EGFR: variants seen among roughly 807,000 people sequenced by gnomAD.
EGFR encodes the protein avian erythroblastic leukemia viral (v-erb-b) oncogene homolog.
Under a neutral mutation model 143.0 loss-of-function variants are expected in EGFR, and 58 were observed. The ratio of observed to expected loss-of-function variants is 0.41; its 90% CI spans 0.33 to 0.50. The LOEUF (loss-of-function observed/expected upper bound fraction) is 0.50. Ranked by LOEUF, EGFR falls within the 20% of genes least tolerant of loss-of-function variation. The pLI, the probability that EGFR is intolerant of heterozygous loss-of-function variation, is 0.39. For missense variants in EGFR, 1,307 were observed against 1,579.0 expected, an observed-to-expected ratio of 0.83 and a Z score of 2.92; for synonymous variants, 613 against 594.4, an observed-to-expected ratio of 1.03 and a Z score of -0.45.
At chr7:55,174,193 A>G (rs1786488248) in intron 18 of EGFR, 150 bp downstream of exon 18, 1 of 1,182,006 alleles carries the variant, frequency 8.5e-7, no homozygotes, top group South Asian at 1.5e-5. Flanking sequence ...GTTTTTCCCA[A>G]GTTATTGAGA....
intron 22 of EGFR, among the ~76,000 whole-genome samples, chr7:55,194,002 A>T (rs1301202050): frequency 6.6e-6 from 1 of 152,190 alleles, no homozygotes; most frequent in African/African-American, 2.4e-5. Flanking sequence ...AATGGAACAG[A>T]TAAGGAAATA....
At position 55,167,058 on chromosome 7, in the gene EGFR, CAAT is replaced by C. The variant is rs1407260224; in HGVS notation, c.1880+1622_1880+1624del. Among the ~76,000 whole-genome samples, 4 of 123,546 alleles carry C rather than the reference CAAT, an allele frequency of 3.2e-5. 1 individual carries two copies. Among genetic ancestry groups the C allele is most frequent in the African/African-American group, 1.3e-4 (4 of 29,876 alleles). 81.1% of individuals were successfully genotyped at this position (123,546 alleles called of 152,430 possible). ...GATGGTGATGAGGAGGTGGGAGTCA[CAAT>C]GTTGGTGGTGTTGATGGTGGTGATG... is the stretch of plus-strand genomic sequence containing the variant. On this transcript the variant is annotated intron_variant, in intron 15 of 27. Transcript: ENST00000275493.
At chr7:55,049,660 C>G (rs1788372070) in intron 1 of EGFR, among the ~76,000 whole-genome samples, 1 of 152,160 alleles carries the variant, frequency 6.6e-6, no homozygotes, top group Non-Finnish European at 1.5e-5. Flanking sequence ...GCTCCTTCCA[C>G]CTGAGGACTG....
intron 1 of EGFR, among the ~76,000 whole-genome samples, chr7:55,127,917 A>G (rs1379702930): frequency 6.6e-6 from 1 of 152,184 alleles, no homozygotes; most frequent in African/African-American, 2.4e-5. Flanking sequence ...ACCACCTCAC[A>G]TGGTAGGGCC....
chr7:55,053,477 TTC>T (rs1449499157), intron 1 of EGFR, among the ~76,000 whole-genome samples: 5 of 152,242 alleles, frequency 3.3e-5, no homozygotes, highest in African/African-American at 1.2e-4. Context: ...TCTCTGGGCC[TTC>T]TCTTAGATTT....
intron 1 of EGFR, among the ~76,000 whole-genome samples, chr7:55,044,842 C>G (rs1215341223): frequency 2.0e-5 from 3 of 152,234 alleles, no homozygotes; most frequent in Non-Finnish European, 4.4e-5. Flanking sequence ...TCTTTCAGAA[C>G]TAGATGGGAT....
intron 1 of EGFR, among the ~76,000 whole-genome samples, chr7:55,042,134 AT>A (rs1453239663): frequency 1.3e-5 from 2 of 152,246 alleles, no homozygotes; most frequent in Non-Finnish European, 2.9e-5. Context: ...TGATAAAGTG[AT>A]TTTAAGTGCC....
chr7:55,094,863 A>G (rs527239228), intron 1 of EGFR, among the ~76,000 whole-genome samples: 3 of 152,360 alleles, frequency 2.0e-5, no homozygotes, highest in African/African-American at 7.2e-5. Flanking sequence ...AAACCTAGAA[A>G]GACCCAAAAC....
chr7:55,168,466 G>T (rs1284528616), intron 15 of EGFR: 11 of 1,038,142 alleles, frequency 1.1e-5, no homozygotes, highest in Non-Finnish European at 1.7e-5. Flanking sequence ...ATTTAGTCAA[G>T]ATTTAAATTA....
intron 1 of EGFR, among the ~76,000 whole-genome samples, chr7:55,111,555 A>G (rs779402433): frequency 7.2e-5 from 11 of 152,218 alleles, no homozygotes; most frequent in Admixed American, 3.3e-4. Context: ...AAACACTAAA[A>G]ATCATGTTAC....
chr7:55,044,256 C>CAGCT, intron 1 of EGFR, among the ~76,000 whole-genome samples: 2 of 152,342 alleles, frequency 1.3e-5, no homozygotes, highest in South Asian at 4.1e-4. Flanking sequence ...GGAGAGAAGG[C>CAGCT]AGCTGCTCCA....
intron 13 of EGFR, 96 bp from the exon 14 acceptor site, chr7:55,163,637 A>T (rs1785814078): frequency 9.5e-7 from 1 of 1,055,520 alleles, no homozygotes; most frequent in Non-Finnish European, 1.5e-6. Context: ...CTCCTTGACC[A>T]TTACCTCAAG....
At chr7:55,184,441 G>C (rs74670322) in intron 20 of EGFR, among the ~76,000 whole-genome samples, 2 of 152,142 alleles carry the variant, frequency 1.3e-5, no homozygotes, top group Non-Finnish European at 2.9e-5. Context: ...CAGTTGGCCT[G>C]ACCTAGATAA....
rs1046438724 is a variant in EGFR, at chr7:55,152,597, C to G, written c.680C>G (p.Ser227Cys). The change falls in exon 6 of 28, where the codon TCC (serine) becomes TGC (cysteine). Residue 227 changes from serine to cysteine, a missense_variant. Physicochemically the swap from Ser to Cys is moderately radical, Grantham distance 112 (BLOSUM62 -1). Transcript: ENST00000275493. ...TGCTCCGGGCGCTGCCGTGGCAAGT[C>G]CCCCAGTGACTGCTGCCACAACCAG... is the stretch of plus-strand genomic sequence containing the variant. ...QQCSGRCRGK[S>C]PSDCCHNQCA... 1.2e-6 allele frequency: 2 copies of G among 1,613,854 alleles called. No individual in the cohort carries two copies. Among genetic ancestry groups the G allele is most frequent in the Non-Finnish European group, 1.7e-6 (2 of 1,180,028 alleles).
intron 1 of EGFR, among the ~76,000 whole-genome samples, chr7:55,099,998 T>C (rs1490654712): frequency 6.6e-6 from 1 of 152,192 alleles, no homozygotes; most frequent in Non-Finnish European, 1.5e-5. Context: ...TCAATCCTTT[T>C]TTAAATTTTT....
At chr7:55,163,651 T>C (rs1785814382) in intron 13 of EGFR, 82 bp from the exon 14 acceptor site, 7 of 1,203,368 alleles carry the variant, frequency 5.8e-6, no homozygotes, top group Non-Finnish European at 8.7e-6. Flanking sequence ...CCTCAAGTTA[T>C]TTGGAATTTT....
intron 5 of EGFR, among the ~76,000 whole-genome samples, chr7:55,151,875 A>AAACAACAAC (rs17336556): frequency 2.0e-5 from 3 of 151,256 alleles, no homozygotes; most frequent in African/African-American, 7.3e-5. Context: ...CTCCGTCTCA[A>AAACAACAAC]AACAACAACA....
At chr7:55,169,612 C>T (rs982946851) in intron 15 of EGFR, among the ~76,000 whole-genome samples, 2 of 151,856 alleles carry the variant, frequency 1.3e-5, no homozygotes, top group Non-Finnish European at 2.9e-5. Flanking sequence ...ATTTTTCTGA[C>T]AGAATTAAAT....
chr7:55,200,446 G>A (rs2128970098), intron 24 of EGFR, 33 bp downstream of exon 24: 1 of 1,594,474 alleles, frequency 6.3e-7, no homozygotes, highest in Non-Finnish European at 8.6e-7. Flanking sequence ...CCATTGGGAA[G>A]AGTCCCTCTA....
Sources: allele counts gnomAD v4.1 joint callset (sites outside exome capture counted in the v4.1 genomes callset), GRCh38; gene constraint gnomAD v4.1.1; transcripts MANE v1.5; gene names NCBI Gene and HGNC (gene_info 2026-07-23, HGNC 2026-07-21).